The following VWA3B variants were observed in gnomAD, a reference collection of about 807,000 sequenced individuals.
VWA3B encodes the protein von Willebrand factor A domain containing 3B, also known as von Willebrand factor A domain-containing protein 3B.
A neutral mutation model predicts 158.3 loss-of-function variants in VWA3B; 138 were observed. That is an observed-to-expected ratio of 0.87 (90% CI 0.76 to 1.00). The LOEUF (loss-of-function observed/expected upper bound fraction) is 1.00. Among genes scored for constraint, VWA3B ranks in the 50% least tolerant of loss-of-function variants. VWA3B has a pLI of 0.00. For synonymous variants in VWA3B, 596 were observed against 587.3 expected (o/e 1.01, Z -0.21); for missense variants, 1,555 against 1,565.1 (o/e 0.99, Z 0.11).
chr2:98,211,364 G>T (rs1683491398), intron 12 of VWA3B, among the ~76,000 whole-genome samples: 1 of 152,274 alleles, frequency 6.6e-6, no homozygotes, highest in East Asian at 1.9e-4. Context: ...AAATTAATAT[G>T]TATCTAAAAA....
chr2:98,193,004 T>C lies in VWA3B; in HGVS notation c.1573T>C (p.Leu525=). 1 of 1,614,094 alleles carries C rather than the reference T, an allele frequency of 6.2e-7. No homozygotes were observed. The highest frequency in any genetic ancestry group is 8.5e-7 in the Non-Finnish European group (1 of 1,179,980). Residue 525 remains leucine, a synonymous_variant, in exon 11 of 28, where the codon TTG becomes CTG. Coordinates refer to ENST00000477737, the MANE Select transcript of VWA3B (RefSeq NM_144992.5). The part of the protein sequence containing the change: ...TSHSMKSKLD[L]VKDKIIQFIQ... Reference sequence around the variant, plus strand: ...TCACTCAATGAAGAGCAAACTGGACTTGGTGAAGGACAAGATCATTCAGTT... The same window carrying C: ...TCACTCAATGAAGAGCAAACTGGACCTGGTGAAGGACAAGATCATTCAGTT...
intron 3 of VWA3B, among the ~76,000 whole-genome samples, chr2:98,116,666 C>G (rs551953385): frequency 6.6e-6 from 1 of 152,238 alleles, no homozygotes; most frequent in African/African-American, 2.4e-5. Flanking sequence ...GCCATCACAC[C>G]CAGCTAATTT....
intron 2 of VWA3B, among the ~76,000 whole-genome samples, chr2:98,110,494 C>T (rs1395760809): frequency 3.3e-5 from 5 of 152,078 alleles, no homozygotes; most frequent in Non-Finnish European, 7.4e-5. Flanking sequence ...CATCTCTCAT[C>T]TTGGTGTTGA....
intron 19 of VWA3B, chr2:98,245,514 G>A (rs1440226076): frequency 2.4e-5 from 11 of 456,318 alleles, no homozygotes; most frequent in South Asian, 1.7e-4. Context: ...GACGGAGAGT[G>A]GGTGCACACA....
chr2:98,106,109 G>A (rs1673628992), intron 2 of VWA3B, among the ~76,000 whole-genome samples: 1 of 152,008 alleles, frequency 6.6e-6, no homozygotes, highest in Non-Finnish European at 1.5e-5. Context: ...TAGAGACTGT[G>A]TTTCATCGTG....
chr2:98,184,498 G>T (rs1680853339), intron 9 of VWA3B, among the ~76,000 whole-genome samples: 2 of 152,224 alleles, frequency 1.3e-5, no homozygotes, highest in Admixed American at 1.3e-4. Flanking sequence ...CTTTTGAGCT[G>T]CCCAGTAGTC....
intron 25 of VWA3B, among the ~76,000 whole-genome samples, chr2:98,301,733 TA>T (rs1484565571): frequency 6.6e-6 from 1 of 152,214 alleles, no homozygotes; most frequent in African/African-American, 2.4e-5. Context: ...TTTTATTGAC[TA>T]GGGGAGGTCT....
At chr2:98,215,887 A>AT (rs59756697) in intron 13 of VWA3B, among the ~76,000 whole-genome samples, 24,915 of 151,088 alleles carry the variant, frequency 0.16, 2,394 homozygotes, top group Non-Finnish European at 0.2. Context: ...CACGTGGTCT[A>AT]TTTTTTTTTC....
chr2:98,217,148 C>G (rs1031135911), intron 13 of VWA3B, among the ~76,000 whole-genome samples: 1 of 152,184 alleles, frequency 6.6e-6, no homozygotes, highest in Non-Finnish European at 1.5e-5. Flanking sequence ...CCTCCTGCCC[C>G]CTCCCTGCTG....
chr2:98,235,416 A>G (rs1685612783), intron 17 of VWA3B, among the ~76,000 whole-genome samples: 1 of 150,998 alleles, frequency 6.6e-6, no homozygotes, highest in African/African-American at 2.4e-5. Context: ...TCTGTCTGAT[A>G]TCTTTTCCTC....
chr2:98,116,998 A>G (rs1292345006), intron 3 of VWA3B, among the ~76,000 whole-genome samples: 4 of 152,178 alleles, frequency 2.6e-5, no homozygotes, highest in East Asian at 1.9e-4. Flanking sequence ...TAATATGGCT[A>G]TATCATCCAA....
At chr2:98,166,705 AG>A (rs1679102287) in intron 8 of VWA3B, among the ~76,000 whole-genome samples, 1 of 152,116 alleles carries the variant, frequency 6.6e-6, no homozygotes, top group Non-Finnish European at 1.5e-5. Flanking sequence ...AAGAGTTAAC[AG>A]AAGGTCTTGG....
chr2:98,208,763 CAT>C (rs1471804836), intron 12 of VWA3B, among the ~76,000 whole-genome samples: 6 of 152,172 alleles, frequency 3.9e-5, no homozygotes, highest in Non-Finnish European at 7.3e-5. Context: ...TTGCTTCAAT[CAT>C]AAAATGTAAC....
intron 13 of VWA3B, among the ~76,000 whole-genome samples, chr2:98,215,587 G>T (rs112259304): frequency 2.7e-5 from 4 of 149,992 alleles, no homozygotes; most frequent in Admixed American, 2.0e-4. Context: ...GCGCAATCTC[G>T]GCTCACTGCA....
intron 12 of VWA3B, among the ~76,000 whole-genome samples, chr2:98,199,951 C>T (rs1682387118): frequency 6.6e-6 from 1 of 152,138 alleles, no homozygotes; most frequent in African/African-American, 2.4e-5. Flanking sequence ...TGTGGCTGTA[C>T]CGTTTTGCAT....
intron 11 of VWA3B, 101 bp from the exon 12 acceptor site, chr2:98,194,260 A>G: frequency 2.4e-6 from 3 of 1,259,788 alleles, no homozygotes; most frequent in South Asian, 2.9e-5. Flanking sequence ...TTGAACTGAA[A>G]ATAGAGACCA....
chr2:98,272,744 A>G (rs1010165514), intron 22 of VWA3B, among the ~76,000 whole-genome samples: 1 of 152,242 alleles, frequency 6.6e-6, no homozygotes, highest in Non-Finnish European at 1.5e-5. Context: ...TCTATATGCC[A>G]TATAAATATA....
chr2:98,281,824 C>T (rs189786015), intron 22 of VWA3B, among the ~76,000 whole-genome samples: 264 of 152,230 alleles, frequency 1.7e-3, no homozygotes, highest in Middle Eastern at 0.014. Flanking sequence ...AGCATCCCTC[C>T]TGCTGGTGTC....
chr2:98,211,852 G>T (rs1683546157), intron 12 of VWA3B, 78 bp from the exon 13 acceptor site: 2 of 1,258,654 alleles, frequency 1.6e-6, no homozygotes, highest in South Asian at 1.3e-5. Context: ...CTTCTTTTTT[G>T]GAAGCAGAAA....
Sources: gnomAD v4.1 joint callset for allele counts (sites outside exome capture counted in the v4.1 genomes callset) on GRCh38, gnomAD v4.1.1 for gene constraint, MANE v1.5 for transcripts, NCBI Gene and HGNC (gene_info 2026-07-23, HGNC 2026-07-21) for gene names.